The following LRP5 variants were observed in gnomAD, a reference collection of about 807,000 sequenced individuals.
LRP5 encodes the protein low-density lipoprotein receptor-related protein 5.
LRP5 carries 62 observed loss-of-function variants against 154.1 expected under a neutral mutation model. The ratio of observed to expected loss-of-function variants is 0.40; its 90% confidence interval spans 0.33 to 0.50. The LOEUF is 0.50. LRP5 is among the 20% of genes least tolerant of loss of function. The probability of loss-of-function intolerance (pLI) is 0.55; values close to 1 mark genes in which losing one functional copy is unlikely to be tolerated. For missense variants in LRP5, 1,915 were observed against 2,336.7 expected (o/e 0.82, Z 3.72); for synonymous variants, 966 against 1,011.5 (o/e 0.96, Z 0.85).
In LRP5 at chr11:68,433,719, G is replaced by A. The variant is rs1304454986; in HGVS notation, c.3881G>A (p.Gly1294Asp). Reference sequence around the variant, plus strand: ...TGCGATGACCAGAGCGACGAGGAGGGCTGCCCCGTGTGCTCCGCCGCCCAG... The same window carrying A: ...TGCGATGACCAGAGCGACGAGGAGGACTGCCCCGTGTGCTCCGCCGCCCAG... ...PECDDQSDEE[G>D]CPVCSAAQFP... is the part of the protein sequence containing the mutation. Residue 1294 changes from glycine to aspartate, a missense_variant, in exon 18 of 23, where the codon GGC becomes GAC. Gly to Asp is a moderately conservative substitution (Grantham distance 94). Coordinates refer to ENST00000294304, the MANE Select transcript of LRP5 (RefSeq NM_002335.4). 1 of 1,612,920 alleles carries A rather than the reference G, an allele frequency of 6.2e-7. No homozygotes were observed. The highest frequency in any genetic ancestry group is 2.2e-5 in the East Asian group (1 of 44,882).
chr11:68,425,054 A>C, intron 14 of LRP5, 48 bp from the exon 15 acceptor site: 1 of 1,576,158 alleles, frequency 6.3e-7, no homozygotes, highest in East Asian at 2.2e-5. Context: ...GTGCTGTCCG[A>C]GGAGACGCCA....
upstream of LRP5, among the ~76,000 whole-genome samples, chr11:68,311,119 T>C (rs78886225): frequency 0.014 from 2,197 of 152,256 alleles, 41 homozygotes; most frequent in East Asian, 0.064. Context: ...GGGTCTCTTC[T>C]ATCTTGAAAA....
chr11:68,438,712 G>A (rs772467765), intron 20 of LRP5, 30 bp downstream of exon 20: 13 of 1,595,802 alleles, frequency 8.1e-6, no homozygotes, highest in Non-Finnish European at 1.1e-5. Context: ...GAATGATCTG[G>A]AGGAGGCAGG....
Position 68,370,838 on chromosome 11 carries a change from G to A in LRP5, c.1015+5136G>A, listed in dbSNP as rs773100295. On this transcript the variant is annotated intron_variant, in intron 5 of 22. Coordinates refer to ENST00000294304, the MANE Select transcript of LRP5 (RefSeq NM_002335.4). ...GCCAGTGTGGGGACTGTTTTACTCT[G>A]AGCCTGAATCTTTCTGCTTTGGTTC... Among the ~76,000 whole-genome samples the A allele has an allele frequency of 8.1e-4, 123 of 152,234 alleles. 3 individuals carry two copies. Among genetic ancestry groups the A allele is most frequent in the Admixed American group, 2.5e-3 (38 of 15,284 alleles).
chr11:68,325,130 C>G (rs1163618933), intron 1 of LRP5, among the ~76,000 whole-genome samples: 2 of 152,174 alleles, frequency 1.3e-5, no homozygotes, highest in Non-Finnish European at 2.9e-5. Flanking sequence ...TGACCAAGGC[C>G]CTTCTGGGTA....
In LRP5 at chr11:68,365,623, G is replaced by A. The variant is rs1463563669; in HGVS notation, c.936G>A (p.Leu312=). 9.3e-6 allele frequency: 15 copies of A among 1,612,112 alleles called. No homozygotes were observed. The highest frequency in any genetic ancestry group is 1.2e-5 in the Non-Finnish European group (14 of 1,179,052). ...DNGGCSHLCL[L]SPSEPFYTCA... is the part of the protein sequence containing the mutation. ...GCGGCTGCTCCCACCTGTGCCTGCT[G>A]TCCCCAAGCGAGCCTTTCTACACAT... Residue 312 remains leucine, a synonymous_variant, in exon 5 of 23, where the codon CTG becomes CTA. Transcript: ENST00000294304.
intron 1 of LRP5, among the ~76,000 whole-genome samples, chr11:68,325,419 C>T (rs1476694097): frequency 1.3e-5 from 2 of 152,154 alleles, no homozygotes; most frequent in Non-Finnish European, 2.9e-5. Flanking sequence ...GGGGTGGGCC[C>T]TGTTCTATTC....
At position 68,438,575 on chromosome 11, in the gene LRP5, G is replaced by T; in HGVS notation, c.4241G>T (p.Arg1414Leu). 6.2e-7 allele frequency: 1 copy of T among 1,614,122 alleles called. No individual in the cohort carries two copies. Among genetic ancestry groups the T allele is most frequent in the Non-Finnish European group, 8.5e-7 (1 of 1,180,004 alleles). The change falls in exon 20 of 23, where the codon CGC becomes CTC. Residue 1414 changes from arginine to leucine, a missense_variant. By Grantham distance (102) the Arg-to-Leu change is moderately radical. Coordinates refer to ENST00000294304, the MANE Select transcript of LRP5 (RefSeq NM_002335.4). Reference protein sequence around the residue: ...YFVCQRVVCQRYAGANGPFPH... With the variant: ...YFVCQRVVCQLYAGANGPFPH... The stretch of plus-strand genomic sequence containing the variant: ...GTGTGCCAGCGCGTGGTGTGCCAGC[G>T]CTATGCGGGGGCCAACGGGCCCTTC...
At chr11:68,384,514 G>T (rs2098641935) in intron 5 of LRP5, among the ~76,000 whole-genome samples, 1 of 152,304 alleles carries the variant, frequency 6.6e-6, no homozygotes, top group East Asian at 1.9e-4. Context: ...CAAATGAGTA[G>T]ACGATGCCCT....
At chr11:68,406,844 G>T (rs1480939637) in intron 9 of LRP5, 31 bp downstream of exon 9, 7 of 1,609,486 alleles carry the variant, frequency 4.3e-6, no homozygotes, top group Non-Finnish European at 5.9e-6. Flanking sequence ...CACACAGGCA[G>T]CCTTTATGGG....
chr11:68,423,672 GC>G lies in LRP5; in HGVS notation c.3213del (p.Ile1072SerfsTer62). ...VLRGDRDKPR[A>X]IVVNAERGYL... ...GCGTGGGGACCGCGACAAGCCCAGGGCCATCGTCGTCAACGCGGAGCGAGGG... is the reference window on the plus strand; with the variant it reads ...GCGTGGGGACCGCGACAAGCCCAGGGCATCGTCGTCAACGCGGAGCGAGGG... On this transcript the variant is annotated frameshift_variant, in exon 14 of 23. Coordinates refer to ENST00000294304, the MANE Select transcript of LRP5 (RefSeq NM_002335.4). LOFTEE classifies it high-confidence loss of function. This position sits in a 1 kb window ranked among gnomAD's most constrained non-coding sequence, Gnocchi z 4.7. 6.2e-7 allele frequency: 1 copy of G among 1,613,310 alleles called. No homozygotes were observed. Among genetic ancestry groups the G allele is most frequent in the Non-Finnish European group, 8.5e-7 (1 of 1,179,922 alleles).
chr11:68,326,614 G>C (rs1196283163), intron 1 of LRP5, among the ~76,000 whole-genome samples: 2 of 152,262 alleles, frequency 1.3e-5, no homozygotes, highest in Non-Finnish European at 2.9e-5. Flanking sequence ...TCCAGTCTGT[G>C]GGCCAGATGG....
chr11:68,351,528 G>A (rs935974357), intron 2 of LRP5, among the ~76,000 whole-genome samples: 3 of 152,188 alleles, frequency 2.0e-5, no homozygotes, highest in Non-Finnish European at 2.9e-5. Flanking sequence ...GCCGGCCTGC[G>A]GTTGCTCACC....
At chr11:68,366,924 T>G (rs952886696) in intron 5 of LRP5, among the ~76,000 whole-genome samples, 14 of 147,752 alleles carry the variant, frequency 9.5e-5, no homozygotes, top group African/African-American at 3.2e-4. Flanking sequence ...GGTGCTGGCA[T>G]TGCTCCGAGG....
intron 1 of LRP5, among the ~76,000 whole-genome samples, chr11:68,316,040 A>G (rs1017432142): frequency 2.6e-5 from 4 of 151,922 alleles, no homozygotes; most frequent in Non-Finnish European, 5.9e-5. Context: ...CTATCAAGTT[A>G]TAAGAGATTT....
At chr11:68,364,587 C>T (rs1013399104) in intron 4 of LRP5, among the ~76,000 whole-genome samples, 14 of 152,128 alleles carry the variant, frequency 9.2e-5, no homozygotes, top group Admixed American at 3.9e-4. Flanking sequence ...CTGGGGGCCA[C>T]GCTGGGTTGT....
At chr11:68,391,793 C>T (rs559468252) in intron 7 of LRP5, among the ~76,000 whole-genome samples, 2 of 152,374 alleles carry the variant, frequency 1.3e-5, no homozygotes, top group African/African-American at 4.8e-5. Flanking sequence ...CAGGGACTCG[C>T]GTGTCTGTGG....
intron 5 of LRP5, among the ~76,000 whole-genome samples, chr11:68,377,741 C>T (rs2098638139): frequency 6.6e-6 from 1 of 152,222 alleles, no homozygotes; most frequent in Non-Finnish European, 1.5e-5. Flanking sequence ...GGAGGTGGCT[C>T]AAGCCCTCTG....
At chr11:68,316,812 G>A (rs2098593670) in intron 1 of LRP5, among the ~76,000 whole-genome samples, 1 of 152,248 alleles carries the variant, frequency 6.6e-6, no homozygotes, top group Non-Finnish European at 1.5e-5. Context: ...GTCAGTGCTG[G>A]CATCTCAGAG....
Sources: gnomAD v4.1 joint callset for allele counts (sites outside exome capture counted in the v4.1 genomes callset) on GRCh38, gnomAD v4.1.1 for gene constraint, Gnocchi (gnomAD v3.1) non-coding constraint, MANE v1.5 for transcripts, NCBI Gene and HGNC (gene_info 2026-07-23, HGNC 2026-07-21) for gene names.